The following TMEM185A variants were observed in gnomAD, a reference collection of about 807,000 sequenced individuals.
The protein encoded by TMEM185A is family with sequence similarity 11, member A.
In TMEM185A, 9 loss-of-function variants were observed where a neutral mutation model predicts 25.0. That is an observed-to-expected ratio of 0.36 (90% CI 0.22 to 0.63). The LOEUF is 0.63. TMEM185A is among the 20% of genes least tolerant of loss of function. The pLI is 0.68. For synonymous variants in TMEM185A, 45 were observed against 93.5 expected (o/e 0.48, Z 2.99); for missense variants, 103 against 237.4 (o/e 0.43, Z 3.72).
chrX:149,606,510 G>C (rs1009245840), intron 3 of TMEM185A, among the ~76,000 whole-genome samples: 2 of 112,322 alleles, frequency 1.8e-5, no homozygotes, highest in Admixed American at 1.9e-4. Flanking sequence ...CTCTGTAGAG[G>C]CTCCCTCTCT....
In TMEM185A at chrX:149,608,828, T is replaced by C. The variant is rs1557354037; in HGVS notation, c.222A>G (p.Glu74=). The C allele has an allele frequency of 8.3e-7, 1 of 1,210,164 alleles. No homozygotes were observed. Among genetic ancestry groups the C allele is most frequent in the Admixed American group, 2.2e-5 (1 of 45,934 alleles). The change falls in exon 3 of 7, where the codon GAA becomes GAG. Residue 74 remains glutamate, a synonymous_variant. Transcript: ENST00000600449. ...VWARNPQYRA[E]GETCVEFKAM... ...CTTTAAACTCCACACACGTTTCTCC[T>C]TCTGCTCTAAAAAAGGGAGAGAAGA...
chrX:149,605,874 T>C (rs1473933326), intron 3 of TMEM185A, among the ~76,000 whole-genome samples: 4 of 111,566 alleles, frequency 3.6e-5, no homozygotes, highest in African/African-American at 1.3e-4. Flanking sequence ...GCCCACAAAA[T>C]TGAAATCTGG....
chrX:149,617,179 GA>G (rs1320897061), intron 1 of TMEM185A, among the ~76,000 whole-genome samples: 34 of 109,837 alleles, frequency 3.1e-4, no homozygotes, highest in Non-Finnish European at 6.1e-4. Flanking sequence ...AAACACATAT[GA>G]AAAAAAAATA....
chrX:149,606,016 GT>G (rs2090049562), intron 3 of TMEM185A, among the ~76,000 whole-genome samples: 1 of 112,381 alleles, frequency 8.9e-6, no homozygotes, highest in South Asian at 3.7e-4. Context: ...ACTGATTTAA[GT>G]AATTACATCT....
At chrX:149,618,661 G>C (rs2090123332) in intron 1 of TMEM185A, among the ~76,000 whole-genome samples, 1 of 111,386 alleles carries the variant, frequency 9.0e-6, no homozygotes, top group South Asian at 3.8e-4. Flanking sequence ...GTTGATATGG[G>C]TTATCCCTAT....
intron 3 of TMEM185A, among the ~76,000 whole-genome samples, chrX:149,604,878 C>T (rs907601158): frequency 4.0e-5 from 4 of 100,345 alleles, no homozygotes; most frequent in Middle Eastern, 5.1e-3. Flanking sequence ...CTCCTCCTGG[C>T]CATCTAGATC....
At chrX:149,621,653 G>C (rs1375523800) in intron 1 of TMEM185A, among the ~76,000 whole-genome samples, 1 of 111,813 alleles carries the variant, frequency 8.9e-6, no homozygotes, top group Non-Finnish European at 1.9e-5. Flanking sequence ...GGCTAAACTT[G>C]AGGTGTCAGC....
chrX:149,604,353 C>T (rs1287162638), intron 3 of TMEM185A, among the ~76,000 whole-genome samples: 2 of 112,090 alleles, frequency 1.8e-5, no homozygotes, highest in African/African-American at 6.5e-5. Context: ...TCACTGGGAA[C>T]ACAGGCTAGC....
intron 2 of TMEM185A, among the ~76,000 whole-genome samples, chrX:149,609,762 A>G (rs781983253): frequency 1.8e-5 from 2 of 112,546 alleles, no homozygotes; most frequent in Middle Eastern, 9.1e-3. Context: ...CCACGCCTGT[A>G]CATTCCTTAC....
intron 2 of TMEM185A, among the ~76,000 whole-genome samples, chrX:149,610,834 T>C (rs782331953): frequency 7.6e-4 from 83 of 109,475 alleles, no homozygotes; most frequent in African/African-American, 2.7e-3. Flanking sequence ...GGACTCATGG[T>C]CTCCTGGTCA....
At chrX:149,613,136 TATTCAATC>T (rs1379294927) in intron 1 of TMEM185A, among the ~76,000 whole-genome samples, 7 of 111,778 alleles carry the variant, frequency 6.3e-5, no homozygotes, top group African/African-American at 2.0e-4. Flanking sequence ...GTCCCCTGAT[TATTCAATC>T]AAACACTAAT....
At chrX:149,611,057 C>T (rs1422225220) in intron 2 of TMEM185A, among the ~76,000 whole-genome samples, 1 of 111,755 alleles carries the variant, frequency 8.9e-6, no homozygotes, top group Non-Finnish European at 1.9e-5. Flanking sequence ...ATTATATAGG[C>T]ATCTGTGAGC....
At chrX:149,603,942 T>C (rs782549879) in intron 4 of TMEM185A, 45 bp downstream of exon 4, 149 of 1,087,129 alleles carry the variant, frequency 1.4e-4, no homozygotes, top group Non-Finnish European at 1.8e-4. Flanking sequence ...GAATTACTTT[T>C]ATAATAAAAA....
chrX:149,617,561 C>G (rs1482963048), intron 1 of TMEM185A, among the ~76,000 whole-genome samples: 8 of 111,467 alleles, frequency 7.2e-5, no homozygotes, highest in Non-Finnish European at 1.1e-4. Flanking sequence ...CACTAGATCT[C>G]TTATATATGC....
chrX:149,625,683 T>A (rs1020985178), intron 1 of TMEM185A, among the ~76,000 whole-genome samples: 1 of 112,528 alleles, frequency 8.9e-6, no homozygotes, highest in Non-Finnish European at 1.9e-5. Flanking sequence ...TAGGTGGAAC[T>A]ATTTTGGTTG....
In TMEM185A at chrX:149,631,557, C is replaced by G; in HGVS notation, c.24G>C (p.Gln8His). 8.5e-7 allele frequency: 1 copy of G among 1,172,144 alleles called. No individual in the cohort carries two copies. Among genetic ancestry groups the G allele is most frequent in the Non-Finnish European group, 1.1e-6 (1 of 875,420 alleles). MNLRGLFQDFNPSKFLIY... is the reference protein window; with the variant it reads MNLRGLFHDFNPSKFLIY... ...CGCCGCCTCACCTCGGGTTGAAGTC[C>G]TGGAAGAGGCCCCTCAGGTTCATGG... Residue 8 changes from glutamine to histidine, a missense_variant, in exon 1 of 7, where the codon CAG becomes CAC. This residue lies in a region of TMEM185A where 102 missense variants were observed against 125.7 expected (regional missense o/e 0.81). Transcript: ENST00000600449.
intron 4 of TMEM185A, chrX:149,603,584 T>C (rs113638541): frequency 0.019 from 2,281 of 121,278 alleles, 46 homozygotes; most frequent in African/African-American, 0.057. Context: ...TAAACATATA[T>C]ACTGCAGTAT....
intron 1 of TMEM185A, among the ~76,000 whole-genome samples, chrX:149,613,563 T>C (rs2090095600): frequency 8.9e-6 from 1 of 112,114 alleles, no homozygotes; most frequent in Admixed American, 9.4e-5. Context: ...CAGAAAGGAA[T>C]AGAGCCCTCC....
chrX:149,621,364 G>A (rs781982779), intron 1 of TMEM185A, among the ~76,000 whole-genome samples: 1 of 111,981 alleles, frequency 8.9e-6, no homozygotes, highest in Non-Finnish European at 1.9e-5. Flanking sequence ...ATTATTTTAT[G>A]TGGTTTTTGA....
Sources: allele counts gnomAD v4.1 joint callset (sites outside exome capture counted in the v4.1 genomes callset), GRCh38; gene constraint gnomAD v4.1.1; regional missense constraint gnomAD v4.1.1; transcripts MANE v1.5; gene names NCBI Gene and HGNC (gene_info 2026-07-23, HGNC 2026-07-21).